GCN1: variants seen among roughly 807,000 people sequenced by gnomAD.
The protein encoded by GCN1 is GCN1 activator of EIF2AK4.
Under a neutral mutation model 288.4 loss-of-function variants are expected in GCN1, and 90 were observed. The observed-to-expected ratio is 0.31, with a 90% CI of 0.26 to 0.37. The LOEUF is 0.37. Among genes scored for constraint, GCN1 ranks in the 10% least tolerant of loss-of-function variants. GCN1 has a pLI of 1.00. For missense variants in GCN1, 2,586 were observed against 3,419.9 expected (o/e 0.76, Z 6.08); for synonymous variants, 1,386 against 1,420.2 (o/e 0.98, Z 0.54).
rs1877974991 is a variant in GCN1 at position 120,162,902 on chromosome 12, G to A, written c.2108C>T (p.Thr703Ile). 1.9e-6 allele frequency: 3 copies of A among 1,613,982 alleles called. No individual in the cohort carries two copies. The highest frequency in any genetic ancestry group is 1.7e-5 in the Admixed American group (1 of 59,998). ...RMKIDPEAFI[T>I]RHLDQIIPRM... Reference sequence around the variant, plus strand: ...GGGAATGATCTGATCCAGGTGCCTGGTGATAAAGGCTTCAGGATCGATCTT... The same window carrying A: ...GGGAATGATCTGATCCAGGTGCCTGATGATAAAGGCTTCAGGATCGATCTT... The change falls in exon 20 of 58, where the codon ACC (threonine) becomes ATC (isoleucine). Residue 703 changes from threonine to isoleucine, a missense_variant. By Grantham distance (89) the Thr-to-Ile change is moderately conservative (BLOSUM62 -1). Coordinates refer to ENST00000300648, the MANE Select transcript of GCN1 (RefSeq NM_006836.2).
chr12:120,176,292 C>T, intron 9 of GCN1, 75 bp from the exon 10 acceptor site: 1 of 892,382 alleles, frequency 1.1e-6, no homozygotes, highest in Non-Finnish European at 1.9e-6. Flanking sequence ...CCCCTACTCC[C>T]CAGCAAATGC....
At position 120,153,246 on chromosome 12, in the gene GCN1, C is replaced by T. The variant is rs1877628091; in HGVS notation, c.4029G>A (p.Lys1343=). 6.2e-7 allele frequency: 1 copy of T among 1,614,082 alleles called. No individual in the cohort carries two copies. Among genetic ancestry groups the T allele is most frequent in the African/African-American group, 1.3e-5 (1 of 74,924 alleles). ...AGGGGGTGGAGAGGGCAGCGATGAGCTTGGCAACAATGGGCTTCACTTTGG... is the reference window on the plus strand; with the variant it reads ...AGGGGGTGGAGAGGGCAGCGATGAGTTTGGCAACAATGGGCTTCACTTTGG... ...SDPKVKPIVA[K]LIAALSTPSQ... is the part of the protein sequence containing the mutation. Residue 1343 remains lysine (K), a synonymous_variant, in exon 33 of 58, where the codon AAG becomes AAA. Coordinates refer to ENST00000300648, the MANE Select transcript of GCN1 (RefSeq NM_006836.2). This position sits in a 1 kb window ranked among gnomAD's most constrained non-coding sequence, Gnocchi z 4.4.
rs748366259 is a variant in GCN1, at chr12:120,140,992, C to T, written c.5861G>A (p.Arg1954Gln). The change falls in exon 45 of 58, where the codon CGG becomes CAG. Residue 1954 changes from arginine to glutamine, a missense_variant. Physicochemically the swap from Arg to Gln is conservative, Grantham distance 43. This residue lies in a region of GCN1 where 437 missense variants were observed against 570.5 expected (regional missense o/e 0.77). Coordinates refer to ENST00000300648, the MANE Select transcript of GCN1 (RefSeq NM_006836.2). ...IAARTLGDLV[R>Q]KLGEKILPEI... is the part of the protein sequence containing the mutation. ...GGGGAGGATTTTCTCCCCTAACTTCCGCACAAGATCTCCCAATGTTCTCGC... is the reference window on the plus strand; with the variant it reads ...GGGGAGGATTTTCTCCCCTAACTTCTGCACAAGATCTCCCAATGTTCTCGC... 6.2e-7 allele frequency: 1 copy of T among 1,613,732 alleles called. No homozygotes were observed. The highest frequency in any genetic ancestry group is 8.5e-7 in the Non-Finnish European group (1 of 1,179,888).
At position 120,153,996 on chromosome 12, in the gene GCN1, G is replaced by A; in HGVS notation, c.3702-87C>T. On this transcript the variant is annotated intron_variant, in intron 31 of 57. Transcript: ENST00000300648. This position sits in a 1 kb window ranked among gnomAD's most constrained non-coding sequence, Gnocchi z 4.4. ...CCTCTGCTGGTGCACGGCAAGGAGA[G>A]GGAGCTTGCCTGAGGCAAACACTGT... is the stretch of plus-strand genomic sequence containing the variant. The A allele has an allele frequency of 1.7e-6, 2 of 1,187,062 alleles. No homozygotes were observed. Among genetic ancestry groups the A allele is most frequent in the Non-Finnish European group, 2.4e-6 (2 of 834,734 alleles). 73.5% of individuals were successfully genotyped at this position (1,187,062 alleles called of 1,614,324 possible). A position where few individuals can be genotyped will look rare whatever the true frequency, so the allele number is the denominator to read the frequency against.
chr12:120,149,964 A>G lies in GCN1; in HGVS notation c.4389T>C (p.His1463=). 6.2e-7 allele frequency: 1 copy of G among 1,614,142 alleles called. No homozygotes were observed. Among genetic ancestry groups the G allele is most frequent in the Non-Finnish European group, 8.5e-7 (1 of 1,179,996 alleles). The change falls in exon 35 of 58, where the codon CAT becomes CAC. Residue 1463 remains histidine (H), a synonymous_variant. Transcript: ENST00000300648. ...FEPYVVHVLP[H]LLLCFGDGNQ... Reference sequence around the variant, plus strand: ...TTCCATCCCCAAAGCACAGGAGCAGATGGGGCAGCACGTGAACCACATACG... The same window carrying G: ...TTCCATCCCCAAAGCACAGGAGCAGGTGGGGCAGCACGTGAACCACATACG...
intron 2 of GCN1, among the ~76,000 whole-genome samples, chr12:120,186,962 C>T (rs1182064059): frequency 6.6e-6 from 1 of 152,174 alleles, no homozygotes; most frequent in Non-Finnish European, 1.5e-5. Context: ...CACATGGCTG[C>T]CTTTTCTAAC....
In GCN1 at chr12:120,147,102, T is replaced by G; in HGVS notation, c.4897A>C (p.Lys1633Gln). 1.2e-6 allele frequency: 2 copies of G among 1,602,322 alleles called. No individual in the cohort carries two copies. The highest frequency in any genetic ancestry group is 1.7e-6 in the Non-Finnish European group (2 of 1,171,302). Reference sequence around the variant, plus strand: ...TTGCCAATAATCTGGGCTGCCATCTTCCGCGTGTCCGTGGAACGGTCCTGG... The same window carrying G: ...TTGCCAATAATCTGGGCTGCCATCTGCCGCGTGTCCGTGGAACGGTCCTGG... ...AFQDRSTDTRKMAAQIIGNMY... is the reference protein window; with the variant it reads ...AFQDRSTDTRQMAAQIIGNMY... Residue 1633 changes from lysine to glutamine, a missense_variant, in exon 38 of 58, where the codon AAG (lysine) becomes CAG (glutamine). Coordinates refer to ENST00000300648, the MANE Select transcript of GCN1 (RefSeq NM_006836.2).
rs61299615 is a variant in GCN1 at position 120,134,794 on chromosome 12, A to C, written c.7009-68T>G. On this transcript the variant is annotated intron_variant, in intron 51 of 57. Transcript: ENST00000300648. This position sits in a 1 kb window ranked among gnomAD's most constrained non-coding sequence, Gnocchi z 5.0. ...CCCAAAGCCACAGTGTACCACAGGC[A>C]TGAGAACAAATGACAATCCCAAACC... The C allele has an allele frequency of 2.0e-3, 2,617 of 1,305,956 alleles. 58 individuals are homozygous for C. The African/African-American group carries it at 0.032, about 16-fold the overall frequency. 80.9% of individuals were successfully genotyped at this position (1,305,956 alleles called of 1,614,324 possible).
intron 33 of GCN1, 93 bp from the exon 34 acceptor site, chr12:120,151,484 T>G: frequency 7.5e-7 from 1 of 1,325,922 alleles, no homozygotes; most frequent in Non-Finnish European, 1.0e-6. Context: ...CACCCACCAC[T>G]AGATGTCCCA....
In GCN1 at chr12:120,137,019, A is replaced by C. The variant is rs1056477267; in HGVS notation, c.6777+187T>G. Among the ~76,000 whole-genome samples the C allele has an allele frequency of 3.9e-5, 6 of 152,146 alleles. No individual in the cohort carries two copies. Among genetic ancestry groups the C allele is most frequent in the African/African-American group, 1.4e-4 (6 of 41,428 alleles). ...AGGTGACCTGCAGAGCTTAAACCAA[A>C]GGCAGCATGAACCCTGTCCCCATCT... On this transcript the variant is annotated intron_variant, in intron 50 of 57. Coordinates refer to ENST00000300648, the MANE Select transcript of GCN1 (RefSeq NM_006836.2). The surrounding 1 kb of genome is among the most constrained non-coding windows in gnomAD (Gnocchi z 5.2).
At chr12:120,180,096 C>T (rs188537637) in intron 5 of GCN1, among the ~76,000 whole-genome samples, 150 of 151,548 alleles carry the variant, frequency 9.9e-4, no homozygotes, top group Non-Finnish European at 1.7e-3. Flanking sequence ...CACCTGAGGT[C>T]GGGAGTTCAA....
At chr12:120,189,670 G>T (rs1363569605) in intron 2 of GCN1, among the ~76,000 whole-genome samples, 1 of 152,046 alleles carries the variant, frequency 6.6e-6, no homozygotes, top group African/African-American at 2.4e-5. Context: ...CCTGGCCAAG[G>T]CCATGGTTCT....
rs142527698 is a variant in GCN1 at position 120,161,868 on chromosome 12, G to A, written c.2342+12C>T. On this transcript the variant is annotated intron_variant, in intron 21 of 57. Coordinates refer to ENST00000300648, the MANE Select transcript of GCN1 (RefSeq NM_006836.2). ...GGAGCAAAGGAAACTGAGCCCATAA[G>A]TGAGGTCTCACCTCTGAATGATGGA... The A allele has an allele frequency of 8.1e-6, 13 of 1,612,794 alleles. No individual in the cohort carries two copies. Among genetic ancestry groups the A allele is most frequent in the Middle Eastern group, 1.7e-4 (1 of 5,954 alleles).
In GCN1 at chr12:120,156,836, T is replaced by G; in HGVS notation, c.3168+76A>C. ...GTAAGGGCTGAAAGGAAACTAGGACTCCACCCTTTACACTGGGACTTGAGG... is the reference window on the plus strand; with the variant it reads ...GTAAGGGCTGAAAGGAAACTAGGACGCCACCCTTTACACTGGGACTTGAGG... On this transcript the variant is annotated intron_variant, in intron 27 of 57. Coordinates refer to ENST00000300648, the MANE Select transcript of GCN1 (RefSeq NM_006836.2). This position sits in a 1 kb window ranked among gnomAD's most constrained non-coding sequence, Gnocchi z 5.8. The G allele has an allele frequency of 9.2e-7, 1 of 1,091,000 alleles. No homozygotes were observed. The highest frequency in any genetic ancestry group is 1.4e-6 in the Non-Finnish European group (1 of 703,194). 67.6% of individuals were successfully genotyped at this position (1,091,000 alleles called of 1,614,324 possible). A position where few individuals can be genotyped will look rare whatever the true frequency, so the allele number is the denominator to read the frequency against.
chr12:120,140,250 A>T (rs1012253910), intron 45 of GCN1, among the ~76,000 whole-genome samples: 1 of 152,174 alleles, frequency 6.6e-6, no homozygotes, highest in Non-Finnish European at 1.5e-5. Context: ...TCATCCAAAC[A>T]CGAAGGCAGT....
At chr12:120,130,513 G>A in intron 56 of GCN1, 133 bp downstream of exon 56, 1 of 654,752 alleles carries the variant, frequency 1.5e-6, no homozygotes, top group Non-Finnish European at 2.8e-6. Context: ...TAAGTGTTCA[G>A]CGATCTCCTG....
At chr12:120,147,480 C>T (rs547576213) in intron 37 of GCN1, among the ~76,000 whole-genome samples, 3 of 152,278 alleles carry the variant, frequency 2.0e-5, no homozygotes, top group East Asian at 1.9e-4. Context: ...GTGATCCGCC[C>T]GCCTCAGCCT....
chr12:120,181,923 G>A (rs1327573711), intron 5 of GCN1, among the ~76,000 whole-genome samples: 2 of 151,622 alleles, frequency 1.3e-5, no homozygotes, highest in African/African-American at 4.9e-5. Flanking sequence ...GAGACAGACG[G>A]ATCACCTGAG....
chr12:120,137,221 G>A lies in GCN1; in HGVS notation c.6762C>T (p.Phe2254=). 6.2e-7 allele frequency: 1 copy of A among 1,613,894 alleles called. No individual in the cohort carries two copies. Among genetic ancestry groups the A allele is most frequent in the Non-Finnish European group, 8.5e-7 (1 of 1,179,754 alleles). The change falls in exon 50 of 58, where the codon TTC becomes TTT. Residue 2254 remains phenylalanine (F), a synonymous_variant. Transcript: ENST00000300648. This position sits in a 1 kb window ranked among gnomAD's most constrained non-coding sequence, Gnocchi z 5.2. ...CCTGGCTTACCTTCTTCGGGAGGCA[G>A]AATCCTGGCACATGCTCGCCTTTGC... The part of the protein sequence containing the change: ...NESKGEHVPG[F]CLPKKGVTSI...
Sources: allele counts gnomAD v4.1 joint callset (sites outside exome capture counted in the v4.1 genomes callset), GRCh38; gene constraint gnomAD v4.1.1; regional missense constraint gnomAD v4.1.1; non-coding constraint Gnocchi (gnomAD v3.1); transcripts MANE v1.5; gene names NCBI Gene and HGNC (gene_info 2026-07-23, HGNC 2026-07-21).